ERC2: variants seen among roughly 807,000 people sequenced by gnomAD.
The protein encoded by ERC2 is ERC protein 2.
A neutral mutation model predicts 114.8 loss-of-function variants in ERC2; 42 were observed. That is an observed-to-expected ratio of 0.37 (90% CI 0.29 to 0.47). ERC2 has a LOEUF of 0.47. Ranked by LOEUF, ERC2 falls within the 20% of genes least tolerant of loss-of-function variation. The pLI is 0.99. For missense variants in ERC2, 939 were observed against 1,150.7 expected (o/e 0.82, Z 2.66); for synonymous variants, 454 against 425.5 (o/e 1.07, Z -0.82).
chr3:56,462,612 T>C (rs1468484844), intron 1 of ERC2, among the ~76,000 whole-genome samples: 1 of 152,200 alleles, frequency 6.6e-6, no homozygotes, highest in East Asian at 1.9e-4. Context: ...AGAGGCAAGA[T>C]GATGATCCTG....
At chr3:55,550,252 T>C (rs1295292513) in intron 17 of ERC2, among the ~76,000 whole-genome samples, 1 of 152,152 alleles carries the variant, frequency 6.6e-6, no homozygotes, top group Non-Finnish European at 1.5e-5. Flanking sequence ...GCCTCCATTC[T>C]TGGTCATATT....
chr3:56,162,022 G>C (rs2082075605), intron 4 of ERC2, among the ~76,000 whole-genome samples: 1 of 152,132 alleles, frequency 6.6e-6, no homozygotes, highest in Admixed American at 6.5e-5. Flanking sequence ...CCATGGGTTT[G>C]TCATAGATGG....
intron 13 of ERC2, among the ~76,000 whole-genome samples, chr3:55,932,292 T>C (rs190034617): frequency 3.5e-4 from 54 of 152,344 alleles, no homozygotes; most frequent in African/African-American, 1.3e-3. Context: ...AGAATTTCTA[T>C]GTACCGAGAA....
chr3:56,207,950 G>C (rs1182847965), intron 3 of ERC2, among the ~76,000 whole-genome samples: 2 of 152,144 alleles, frequency 1.3e-5, no homozygotes, highest in African/African-American at 4.8e-5. Context: ...TGGTGATCAG[G>C]AAGAAAAGAC....
At chr3:56,322,501 T>G (rs188910890) in intron 2 of ERC2, among the ~76,000 whole-genome samples, 273 of 152,334 alleles carry the variant, frequency 1.8e-3, no homozygotes, top group African/African-American at 6.3e-3. Flanking sequence ...CTGCCACTTT[T>G]GTACTCTTGA....
chr3:55,583,623 C>T (rs2057435565), intron 17 of ERC2, among the ~76,000 whole-genome samples: 2 of 147,176 alleles, frequency 1.4e-5, no homozygotes, highest in South Asian at 4.4e-4. Context: ...TGGACGGTAT[C>T]AGCTTCCCTA....
At chr3:56,381,312 A>G (rs951639892) in intron 2 of ERC2, among the ~76,000 whole-genome samples, 5 of 152,160 alleles carry the variant, frequency 3.3e-5, no homozygotes, top group African/African-American at 1.2e-4. Context: ...TCCTGGGTAT[A>G]CTTAGGGGAT....
At chr3:56,159,043 T>G (rs2081901811) in intron 4 of ERC2, among the ~76,000 whole-genome samples, 1 of 152,088 alleles carries the variant, frequency 6.6e-6, no homozygotes, top group Admixed American at 6.6e-5. Context: ...CTCACAATAG[T>G]GAGTGAATTC....
chr3:55,634,321 G>GA (rs2059871890), intron 17 of ERC2, among the ~76,000 whole-genome samples: 2 of 152,172 alleles, frequency 1.3e-5, no homozygotes, highest in Admixed American at 1.3e-4. Context: ...AGCTACTTGG[G>GA]ATGTATGTAA....
At chr3:56,227,371 G>C (rs545051540) in intron 3 of ERC2, among the ~76,000 whole-genome samples, 25 of 151,016 alleles carry the variant, frequency 1.7e-4, no homozygotes, top group African/African-American at 5.8e-4. Flanking sequence ...CAACAGGAAA[G>C]AAAGCAAACA....
chr3:56,168,443 C>G (rs1271229338), intron 4 of ERC2, among the ~76,000 whole-genome samples: 1 of 152,168 alleles, frequency 6.6e-6, no homozygotes, highest in Non-Finnish European at 1.5e-5. Flanking sequence ...CATATGAACA[C>G]AGCATCCTTG....
At chr3:56,457,185 G>A (rs2063104151) in intron 1 of ERC2, among the ~76,000 whole-genome samples, 1 of 152,182 alleles carries the variant, frequency 6.6e-6, no homozygotes, top group Admixed American at 6.5e-5. Context: ...GAAACACAAT[G>A]TGTACTCTCT....
At chr3:55,921,518 G>A (rs565472562) in intron 13 of ERC2, among the ~76,000 whole-genome samples, 1 of 152,162 alleles carries the variant, frequency 6.6e-6, no homozygotes, top group Non-Finnish European at 1.5e-5. Context: ...TTCTGTCATC[G>A]CAAACTGAAC....
intron 13 of ERC2, among the ~76,000 whole-genome samples, chr3:55,926,958 T>C (rs1425007103): frequency 1.3e-5 from 2 of 152,196 alleles, no homozygotes; most frequent in East Asian, 1.9e-4. Context: ...CTTTTTTTAA[T>C]TCATTTGTTT....
At chr3:56,214,652 G>C (rs1381572213) in intron 3 of ERC2, among the ~76,000 whole-genome samples, 2 of 151,844 alleles carry the variant, frequency 1.3e-5, no homozygotes, top group Non-Finnish European at 2.9e-5. Flanking sequence ...ACGCCACAAA[G>C]ATACTCCTCG....
At chr3:55,732,992 G>A (rs1000856553) in intron 15 of ERC2, among the ~76,000 whole-genome samples, 1 of 152,136 alleles carries the variant, frequency 6.6e-6, no homozygotes, top group Non-Finnish European at 1.5e-5. Context: ...ACTGACCTGA[G>A]ACCTTTGGAT....
At chr3:55,717,376 A>G (rs1324416445) in intron 15 of ERC2, among the ~76,000 whole-genome samples, 2 of 152,168 alleles carry the variant, frequency 1.3e-5, no homozygotes, top group Non-Finnish European at 1.5e-5. Context: ...AAAAGGTCCA[A>G]TGCTGTTCAC....
chr3:56,297,374 C>T (rs1017596305), intron 2 of ERC2, among the ~76,000 whole-genome samples: 1 of 152,010 alleles, frequency 6.6e-6, no homozygotes, highest in African/African-American at 2.4e-5. Flanking sequence ...ATCTCACTGA[C>T]CCAGAAACAG....
At chr3:55,985,911 C>T in intron 12 of ERC2, 66 bp downstream of exon 12, 1 of 1,393,022 alleles carries the variant, frequency 7.2e-7, no homozygotes. Flanking sequence ...GTTTGTTAAA[C>T]AAGTGCAAGC....
Sources: allele counts gnomAD v4.1 joint callset (sites outside exome capture counted in the v4.1 genomes callset), GRCh38; gene constraint gnomAD v4.1.1; transcripts MANE v1.5; gene names NCBI Gene and HGNC (gene_info 2026-07-23, HGNC 2026-07-21).